Variants in TAFA5 observed in about 807,000 individuals in gnomAD.
The protein encoded by TAFA5 is TAFA chemokine like family member 5.
A neutral mutation model predicts 15.3 loss-of-function variants in TAFA5; 6 were observed. The observed-to-expected ratio is 0.39, with a 90% CI of 0.21 to 0.77. TAFA5 has a LOEUF of 0.77. TAFA5 is among the 30% of genes least tolerant of loss of function. TAFA5 has a pLI of 0.41. For missense variants in TAFA5, 161 were observed against 193.1 expected, an observed-to-expected ratio of 0.83 and a Z score of 0.98; for synonymous variants, 103 against 80.7, an observed-to-expected ratio of 1.28 and a Z score of -1.48.
intron 2 of TAFA5, among the ~76,000 whole-genome samples, chr22:48,652,372 C>T (rs1418974037): frequency 2.0e-5 from 3 of 152,202 alleles, no homozygotes; most frequent in Admixed American, 1.3e-4. Flanking sequence ...CTGCCTGCCC[C>T]GTTCATCCCT....
At chr22:48,689,521 G>T (rs968555723) in intron 2 of TAFA5, among the ~76,000 whole-genome samples, 6 of 152,204 alleles carry the variant, frequency 3.9e-5, no homozygotes, top group Non-Finnish European at 8.8e-5. Context: ...AGACTTGAGA[G>T]CAAGTCCTCT....
intron 1 of TAFA5, among the ~76,000 whole-genome samples, chr22:48,620,960 TCCACCTATCCTATTCATCCATCC>T (rs1925801425): frequency 6.4e-5 from 1 of 15,746 alleles, no homozygotes; most frequent in Admixed American, 7.9e-4. Flanking sequence ...TATCCACCCA[TCCACCTATCCTATTCATCCATCC>T]ACCCACCCAC....
At chr22:48,730,092 G>GA (rs888676880) in intron 3 of TAFA5, among the ~76,000 whole-genome samples, 2 of 151,802 alleles carry the variant, frequency 1.3e-5, no homozygotes, top group African/African-American at 2.4e-5. Flanking sequence ...TCCTTTAAAA[G>GA]AAAAAAAAGA....
intron 1 of TAFA5, among the ~76,000 whole-genome samples, chr22:48,590,500 G>A (rs1430686348): frequency 1.3e-5 from 2 of 152,110 alleles, no homozygotes; most frequent in Non-Finnish European, 2.9e-5. Flanking sequence ...CAACCCTGGC[G>A]GATTCACAGG....
intron 1 of TAFA5, among the ~76,000 whole-genome samples, chr22:48,582,581 C>T (rs1282841414): frequency 6.8e-6 from 1 of 147,864 alleles, no homozygotes; most frequent in African/African-American, 2.5e-5. Flanking sequence ...AAATACGCCA[C>T]ATACCACACA....
At chr22:48,721,154 G>T (rs1017358224) in intron 3 of TAFA5, among the ~76,000 whole-genome samples, 3 of 148,122 alleles carry the variant, frequency 2.0e-5, no homozygotes, top group Admixed American at 2.0e-4. Context: ...AATGGCCCTG[G>T]AATCTACACA....
chr22:48,542,178 TGTG>T (rs1295441344), intron 1 of TAFA5, among the ~76,000 whole-genome samples: 34 of 136,466 alleles, frequency 2.5e-4, no homozygotes, highest in African/African-American at 1.0e-3. Flanking sequence ...GCATGTGTGA[TGTG>T]TGTGTCGTGT....
At chr22:48,540,891 A>AAAAT (rs1555886486) in intron 1 of TAFA5, among the ~76,000 whole-genome samples, 1 of 151,782 alleles carries the variant, frequency 6.6e-6, no homozygotes, top group Non-Finnish European at 1.5e-5. Context: ...AAAAAAAAAA[A>AAAAT]AATACAAACA....
rs1397598135 is a variant in TAFA5 at position 48,749,856 on chromosome 22, G to T, written c.*9G>T. The stretch of plus-strand genomic sequence containing the variant: ...CTCCTCAGGTCTCCTGACAAACACA[G>T]CCCCTGAGGGGCCCCGGGAGTGGCC... On this transcript the variant is annotated 3_prime_UTR_variant, in exon 4 of 4. Coordinates refer to ENST00000402357, the MANE Select transcript of TAFA5 (RefSeq NM_001082967.3). The T allele has an allele frequency of 2.6e-6, 4 of 1,558,142 alleles. No homozygotes were observed. The highest frequency in any genetic ancestry group is 1.7e-4 in the Middle Eastern group (1 of 5,972).
At chr22:48,641,205 G>A (rs779781340) in intron 1 of TAFA5, among the ~76,000 whole-genome samples, 16 of 152,194 alleles carry the variant, frequency 1.1e-4, no homozygotes, top group Non-Finnish European at 4.4e-5. Flanking sequence ...CGTGGTCTCT[G>A]GTGGTTCCCT....
At chr22:48,685,026 G>C (rs2147233190) in intron 2 of TAFA5, among the ~76,000 whole-genome samples, 1 of 152,338 alleles carries the variant, frequency 6.6e-6, no homozygotes, top group African/African-American at 2.4e-5. Flanking sequence ...ATACATTTTA[G>C]GGACACAGAA....
intron 2 of TAFA5, among the ~76,000 whole-genome samples, chr22:48,673,710 T>C (rs753306766): frequency 1.3e-5 from 2 of 151,834 alleles, no homozygotes; most frequent in African/African-American, 4.8e-5. Flanking sequence ...CAGCCCCGGG[T>C]ATGTAGGAGG....
chr22:48,741,538 C>G (rs1022332848), intron 3 of TAFA5, among the ~76,000 whole-genome samples: 1 of 152,170 alleles, frequency 6.6e-6, no homozygotes, highest in African/African-American at 2.4e-5. Context: ...AGCACTGACC[C>G]CCAGTCTGAA....
intron 3 of TAFA5, among the ~76,000 whole-genome samples, chr22:48,725,634 G>T (rs1057134083): frequency 6.6e-6 from 1 of 150,760 alleles, no homozygotes; most frequent in African/African-American, 2.4e-5. Context: ...GTTTAGTTGT[G>T]TATTGGGAGC....
intron 2 of TAFA5, among the ~76,000 whole-genome samples, chr22:48,688,314 C>T (rs1230795988): frequency 6.6e-6 from 1 of 152,324 alleles, no homozygotes; most frequent in Non-Finnish European, 1.5e-5. Flanking sequence ...AGACTGTTCC[C>T]ACTAAATTAT....
intron 1 of TAFA5, among the ~76,000 whole-genome samples, chr22:48,614,696 A>G (rs960386268): frequency 1.3e-5 from 2 of 152,212 alleles, no homozygotes; most frequent in African/African-American, 4.8e-5. Flanking sequence ...GTCCTGGGGC[A>G]TCTGTGGAAA....
At chr22:48,634,141 CTCAT>C (rs1327327655) in intron 1 of TAFA5, among the ~76,000 whole-genome samples, 1 of 150,100 alleles carries the variant, frequency 6.7e-6, no homozygotes, top group Non-Finnish European at 1.5e-5. Flanking sequence ...CACTCACTCA[CTCAT>C]TTATTCACTC....
chr22:48,704,715 C>T (rs1255735575), intron 2 of TAFA5, among the ~76,000 whole-genome samples: 2 of 152,056 alleles, frequency 1.3e-5, no homozygotes, highest in Non-Finnish European at 2.9e-5. Flanking sequence ...AGTTTCCTCA[C>T]CTGACTCTTC....
At chr22:48,629,948 C>G (rs1288187968) in intron 1 of TAFA5, among the ~76,000 whole-genome samples, 3 of 152,224 alleles carry the variant, frequency 2.0e-5, no homozygotes, top group Admixed American at 1.3e-4. Flanking sequence ...TTTAAAACCT[C>G]TTGGGCTCCA....
Sources: gnomAD v4.1 joint callset for allele counts (sites outside exome capture counted in the v4.1 genomes callset) on GRCh38, gnomAD v4.1.1 for gene constraint, MANE v1.5 for transcripts, NCBI Gene and HGNC (gene_info 2026-07-23, HGNC 2026-07-21) for gene names.